AGAP1: variants seen among roughly 807,000 people sequenced by gnomAD.
AGAP1 encodes the protein ArfGAP with GTPase domain, ankyrin repeat and PH domain 1, also known as arf-GAP with GTPase, ANK repeat and PH domain-containing protein 1.
AGAP1 carries 29 observed loss-of-function variants against 105.3 expected under a neutral mutation model. The observed-to-expected ratio is 0.28, with a 90% confidence interval of 0.21 to 0.38. The LOEUF (loss-of-function observed/expected upper bound fraction) is 0.38. AGAP1 is among the 10% of genes least tolerant of loss of function. The pLI, the probability that AGAP1 is intolerant of heterozygous loss-of-function variation, is 1.00. For missense variants in AGAP1, 998 were observed against 1,165.1 expected (o/e 0.86, Z 2.09); for synonymous variants, 509 against 485.9 (o/e 1.05, Z -0.63).
rs1559389367 is a variant in AGAP1 at position 235,716,607 on chromosome 2, A to G, written c.223-950A>G. ...GGCTTTTTAAGGAATCGATTAGATC[A>G]TGCTTAAATTTGATCACTAGCGATG... On this transcript the variant is annotated intron_variant, in intron 2 of 17. Coordinates refer to ENST00000304032, the MANE Select transcript of AGAP1 (RefSeq NM_001037131.3). The surrounding 1 kb of genome is among the most constrained non-coding windows in gnomAD (Gnocchi z 4.0). Among the ~76,000 whole-genome samples, 2 of 152,142 alleles carry G rather than the reference A, an allele frequency of 1.3e-5. No homozygotes were observed. The highest frequency in any genetic ancestry group is 2.9e-5 in the Non-Finnish European group (2 of 68,014).
chr2:235,948,527 C>T (rs1326514116), intron 12 of AGAP1, among the ~76,000 whole-genome samples: 1 of 152,218 alleles, frequency 6.6e-6, no homozygotes, highest in African/African-American at 2.4e-5. Context: ...ATACGAATTT[C>T]ATAACGAGAA....
At chr2:235,554,361 G>T (rs116624766) in intron 1 of AGAP1, among the ~76,000 whole-genome samples, 87 of 152,322 alleles carry the variant, frequency 5.7e-4, no homozygotes, top group African/African-American at 2.0e-3. Context: ...CCCTCCCAGG[G>T]CCCAGGGGTG....
At chr2:235,606,511 C>CT (rs1485304915) in intron 1 of AGAP1, among the ~76,000 whole-genome samples, 3 of 151,826 alleles carry the variant, frequency 2.0e-5, no homozygotes, top group African/African-American at 4.8e-5. Flanking sequence ...CATAATGAAC[C>CT]TTTTTTTAAA....
chr2:235,554,491 C>T (rs1158887421), intron 1 of AGAP1, among the ~76,000 whole-genome samples: 1 of 152,204 alleles, frequency 6.6e-6, no homozygotes, highest in Non-Finnish European at 1.5e-5. Context: ...GAAGCCCCTG[C>T]TGCATGTGGG....
chr2:236,068,601 C>G (rs1490216961), intron 16 of AGAP1, among the ~76,000 whole-genome samples: 1 of 151,054 alleles, frequency 6.6e-6, no homozygotes, highest in Non-Finnish European at 1.5e-5. Context: ...GAGATCGAGA[C>G]CATCCTGGCT....
At chr2:235,513,772 G>A (rs1285924222) in intron 1 of AGAP1, among the ~76,000 whole-genome samples, 1 of 152,146 alleles carries the variant, frequency 6.6e-6, no homozygotes. Flanking sequence ...GTGCATTTCT[G>A]GCTGGCAGAT....
Position 235,754,670 on chromosome 2 carries a change from C to G in AGAP1, c.673+4182C>G, listed in dbSNP as rs970359590. On this transcript the variant is annotated intron_variant, in intron 6 of 17. Transcript: ENST00000304032. The surrounding 1 kb of genome is among the most constrained non-coding windows in gnomAD (Gnocchi z 4.6). The stretch of plus-strand genomic sequence containing the variant: ...CATGGAGTTTCCAGATGGCTACTGG[C>G]AAGTGGCTGTAGGTGTTGGGAAGCA... 1.3e-5 allele frequency among the ~76,000 whole-genome samples: 2 copies of G among 152,232 alleles called. No homozygotes were observed. The highest frequency in any genetic ancestry group is 2.9e-5 in the Non-Finnish European group (2 of 68,036).
rs1223401522 is a variant in AGAP1, at chr2:235,625,830, G to T, written c.164-83349G>T. Among the ~76,000 whole-genome samples, 1 of 152,224 alleles carries T rather than the reference G, an allele frequency of 6.6e-6. No homozygotes were observed. The highest frequency in any genetic ancestry group is 1.9e-4 in the East Asian group (1 of 5,200). Reference sequence around the variant, plus strand: ...ATGTTGCCCCACACTATTGGGAGGTGTAGATGTTGCTACTGCATCTGGAAA... The same window carrying T: ...ATGTTGCCCCACACTATTGGGAGGTTTAGATGTTGCTACTGCATCTGGAAA... On this transcript the variant is annotated intron_variant, in intron 1 of 17. Coordinates refer to ENST00000304032, the MANE Select transcript of AGAP1 (RefSeq NM_001037131.3). The surrounding 1 kb of genome is among the most constrained non-coding windows in gnomAD (Gnocchi z 4.0).
At chr2:235,717,020 C>T (rs1951144806) in intron 2 of AGAP1, among the ~76,000 whole-genome samples, 1 of 152,138 alleles carries the variant, frequency 6.6e-6, no homozygotes. Flanking sequence ...CCCTCCTCGC[C>T]TGTGTGGCCG....
rs1235982018 is a variant in AGAP1, at chr2:236,045,072, G to A, written c.1892-3987G>A. On this transcript the variant is annotated intron_variant, in intron 15 of 17. Coordinates refer to ENST00000304032, the MANE Select transcript of AGAP1 (RefSeq NM_001037131.3). This position sits in a 1 kb window ranked among gnomAD's most constrained non-coding sequence, Gnocchi z 6.9. Reference sequence around the variant, plus strand: ...TGTGACTACATGTGCGTGCCACCACGCCGACCTGATTTTTTAAATTTTTTG... The same window carrying A: ...TGTGACTACATGTGCGTGCCACCACACCGACCTGATTTTTTAAATTTTTTG... Among the ~76,000 whole-genome samples the A allele has an allele frequency of 6.6e-6, 1 of 152,090 alleles. No individual in the cohort carries two copies. The highest frequency in any genetic ancestry group is 1.5e-5 in the Non-Finnish European group (1 of 68,016).
At chr2:235,858,023 A>G (rs2048760874) in intron 9 of AGAP1, among the ~76,000 whole-genome samples, 1 of 152,204 alleles carries the variant, frequency 6.6e-6, no homozygotes, top group Non-Finnish European at 1.5e-5. Context: ...ATGACGGTAC[A>G]GCATTTAATT....
At chr2:235,873,858 G>C (rs1009101121) in intron 9 of AGAP1, among the ~76,000 whole-genome samples, 1 of 152,028 alleles carries the variant, frequency 6.6e-6, no homozygotes, top group African/African-American at 2.4e-5. Context: ...TTCCCGGGTA[G>C]CTGGGACTAC....
At chr2:235,797,073 C>T (rs917383822) in intron 6 of AGAP1, among the ~76,000 whole-genome samples, 1 of 152,112 alleles carries the variant, frequency 6.6e-6, no homozygotes, top group Non-Finnish European at 1.5e-5. Flanking sequence ...ATTACATCTC[C>T]TTGAATATAA....
rs1465735366 is a variant in AGAP1 at position 236,090,092 on chromosome 2, T to C, written c.2115-30100T>C. 6.6e-6 allele frequency among the ~76,000 whole-genome samples: 1 copy of C among 152,146 alleles called. No homozygotes were observed. The highest frequency in any genetic ancestry group is 1.5e-5 in the Non-Finnish European group (1 of 68,028). ...ACGTGTTTACCAGGAAACCCACTGC[T>C]CTCCTCACCTTGCCCTGCGCGCCTG... On this transcript the variant is annotated intron_variant, in intron 16 of 17. Transcript: ENST00000304032. The surrounding 1 kb of genome is among the most constrained non-coding windows in gnomAD (Gnocchi z 4.3).
At position 235,793,526 on chromosome 2, in the gene AGAP1, C is replaced by G. The variant is rs915426759; in HGVS notation, c.674-4233C>G. ...GTGGTGTCATGAGCAGTCCCAGAGC[C>G]GTCGGATTGCTCTGGTGCACTTGCT... On this transcript the variant is annotated intron_variant, in intron 6 of 17. Coordinates refer to ENST00000304032, the MANE Select transcript of AGAP1 (RefSeq NM_001037131.3). The surrounding 1 kb of genome is among the most constrained non-coding windows in gnomAD (Gnocchi z 5.3). 5.9e-5 allele frequency among the ~76,000 whole-genome samples: 9 copies of G among 152,122 alleles called. No individual in the cohort carries two copies. Among genetic ancestry groups the G allele is most frequent in the African/African-American group, 2.2e-4 (9 of 41,432 alleles).
chr2:235,588,907 T>C (rs1266582358), intron 1 of AGAP1, among the ~76,000 whole-genome samples: 1 of 152,188 alleles, frequency 6.6e-6, no homozygotes, highest in Non-Finnish European at 1.5e-5. Flanking sequence ...CCTGCTTTCC[T>C]GGCTTATTTG....
chr2:235,509,572 A>G (rs1941983995), intron 1 of AGAP1, among the ~76,000 whole-genome samples: 1 of 152,024 alleles, frequency 6.6e-6, no homozygotes, highest in African/African-American at 2.4e-5. Flanking sequence ...AACTCTTGAA[A>G]GTTTACCATT....
At chr2:235,657,050 T>C (rs770775735) in intron 1 of AGAP1, among the ~76,000 whole-genome samples, 5 of 152,204 alleles carry the variant, frequency 3.3e-5, no homozygotes, top group Non-Finnish European at 7.3e-5. Flanking sequence ...CCAGCTCTCA[T>C]GCATGTGCTG....
At chr2:235,756,542 C>T (rs1326653490) in intron 6 of AGAP1, among the ~76,000 whole-genome samples, 1 of 152,116 alleles carries the variant, frequency 6.6e-6, no homozygotes, top group African/African-American at 2.4e-5. Context: ...CTTCACTCCC[C>T]CTCTCCTAGA....
Sources: allele counts gnomAD v4.1 joint callset (sites outside exome capture counted in the v4.1 genomes callset), GRCh38; gene constraint gnomAD v4.1.1; non-coding constraint Gnocchi (gnomAD v3.1); transcripts MANE v1.5; gene names NCBI Gene and HGNC (gene_info 2026-07-23, HGNC 2026-07-21).